Variants in TNFSF4 observed in about 807,000 individuals in gnomAD.
TNFSF4 encodes TNF superfamily member 4.
A neutral mutation model predicts 7.3 loss-of-function variants in TNFSF4; 4 were observed. That is an observed-to-expected ratio of 0.55 (90% CI 0.27 to 1.25). The LOEUF (loss-of-function observed/expected upper bound fraction) is 1.25, where lower values mean the gene tolerates loss of function less well. TNFSF4 is among the 50% of genes most tolerant of loss of function. TNFSF4 has a pLI of 0.12. For synonymous variants in TNFSF4, 76 were observed against 83.7 expected, an observed-to-expected ratio of 0.91 and a Z score of 0.50; for missense variants, 181 against 208.8, an observed-to-expected ratio of 0.87 and a Z score of 0.82.
the TNFSF4 span, among the ~76,000 whole-genome samples, chr1:173,324,460 A>T: frequency 3.9e-5 from 6 of 152,186 alleles, no homozygotes; most frequent in Non-Finnish European, 1.5e-5. Flanking sequence ...ATCAACTAAC[A>T]AGCAAAATAA....
At chr1:173,357,145 A>G in the TNFSF4 span, among the ~76,000 whole-genome samples, 1 of 152,226 alleles carries the variant, frequency 6.6e-6, no homozygotes, top group African/African-American at 2.4e-5. Context: ...GACTTTGGGC[A>G]TTCGATGATC....
At chr1:173,398,759 A>G in the TNFSF4 span, among the ~76,000 whole-genome samples, 9 of 152,146 alleles carry the variant, frequency 5.9e-5, no homozygotes, top group Non-Finnish European at 1.2e-4. Context: ...GTACAGTGGT[A>G]TGGGAAACAT....
At chr1:173,324,981 C>T in the TNFSF4 span, among the ~76,000 whole-genome samples, 2 of 152,152 alleles carry the variant, frequency 1.3e-5, no homozygotes, top group African/African-American at 4.8e-5. Flanking sequence ...CAAGGATATC[C>T]AGGAATTGAA....
At chr1:173,395,037 T>TAGATAGATAGATGATA in the TNFSF4 span, among the ~76,000 whole-genome samples, 18 of 94,126 alleles carry the variant, frequency 1.9e-4, no homozygotes, top group East Asian at 3.4e-4. Context: ...GATAGATAGA[T>TAGATAGATAGATGATA]GATAGATAGA....
At position 173,188,577 on chromosome 1, in the gene TNFSF4, A is replaced by G. The variant is rs932305725; in HGVS notation, c.154-8T>C. The stretch of plus-strand genomic sequence containing the variant: ...AGGATACCGATGTGATACCTGAGGG[A>G]GGAAGAAAGACATATTCTTAGGAAA... On this transcript the variant is annotated splice_region_variant and splice_polypyrimidine_tract_variant and intron_variant, in intron 1 of 2. Coordinates refer to ENST00000281834, the MANE Select transcript of TNFSF4 (RefSeq NM_003326.5). 5.0e-6 allele frequency: 8 copies of G among 1,609,106 alleles called. No homozygotes were observed. The African/African-American group carries it at 1.1e-4, about 21-fold the overall frequency.
chr1:173,309,414 G>A, the TNFSF4 span, among the ~76,000 whole-genome samples: 1 of 151,528 alleles, frequency 6.6e-6, no homozygotes, highest in Non-Finnish European at 1.5e-5. Context: ...TTTTTTTTAA[G>A]ATCATGGATA....
At chr1:173,289,016 C>A in the TNFSF4 span, among the ~76,000 whole-genome samples, 1 of 151,958 alleles carries the variant, frequency 6.6e-6, no homozygotes, top group African/African-American at 2.4e-5. Context: ...GACTACAGTG[C>A]AGAGAAAGAG....
the TNFSF4 span, among the ~76,000 whole-genome samples, chr1:173,388,654 A>G: frequency 2.4e-4 from 37 of 152,368 alleles, no homozygotes; most frequent in African/African-American, 6.7e-4. Flanking sequence ...GACATTAAAG[A>G]GATTTATAAA....
chr1:173,282,363 C>A, the TNFSF4 span, among the ~76,000 whole-genome samples: 1 of 151,628 alleles, frequency 6.6e-6, no homozygotes, highest in Non-Finnish European at 1.5e-5. Context: ...TCTGTGTTTT[C>A]TTGGTGGTTG....
the TNFSF4 span, among the ~76,000 whole-genome samples, chr1:173,293,269 C>T: frequency 1.3e-5 from 2 of 151,874 alleles, no homozygotes; most frequent in Admixed American, 1.3e-4. Context: ...AATACAAAAA[C>T]AGACCCCACA....
chr1:173,286,786 T>C, the TNFSF4 span, among the ~76,000 whole-genome samples: 1 of 152,044 alleles, frequency 6.6e-6, no homozygotes, highest in Non-Finnish European at 1.5e-5. Flanking sequence ...AAAGACACTA[T>C]TAAGATAATG....
At chr1:173,370,654 C>T in the TNFSF4 span, among the ~76,000 whole-genome samples, 2 of 152,156 alleles carry the variant, frequency 1.3e-5, no homozygotes, top group African/African-American at 2.4e-5. Context: ...CCACAGATAT[C>T]AGGAGAAAGC....
At chr1:173,357,538 CT>C in the TNFSF4 span, among the ~76,000 whole-genome samples, 23 of 149,338 alleles carry the variant, frequency 1.5e-4, no homozygotes, top group African/African-American at 4.7e-4. Flanking sequence ...CCATACCAGC[CT>C]TTTTTTTTTG....
chr1:173,422,859 G>A, the TNFSF4 span, among the ~76,000 whole-genome samples: 2 of 152,190 alleles, frequency 1.3e-5, no homozygotes, highest in Non-Finnish European at 2.9e-5. Context: ...ACCAACAGGA[G>A]TAAGACGGTG....
the TNFSF4 span, among the ~76,000 whole-genome samples, chr1:173,430,430 CAA>C: frequency 7.6e-4 from 116 of 152,252 alleles, no homozygotes; most frequent in African/African-American, 2.7e-3. Context: ...TTAGTTGAGA[CAA>C]TAAACATTTA....
the TNFSF4 span, among the ~76,000 whole-genome samples, chr1:173,279,386 C>G: frequency 6.6e-6 from 1 of 152,048 alleles, no homozygotes; most frequent in Non-Finnish European, 1.5e-5. Context: ...TTTACTCAAG[C>G]CTCTGTCCTC....
At chr1:173,331,747 C>T in the TNFSF4 span, among the ~76,000 whole-genome samples, 1 of 152,142 alleles carries the variant, frequency 6.6e-6, no homozygotes, top group Non-Finnish European at 1.5e-5. Context: ...TATTTCTTTT[C>T]CTGCAACTTG....
At chr1:173,218,776 C>T in the TNFSF4 span, among the ~76,000 whole-genome samples, 2 of 151,974 alleles carry the variant, frequency 1.3e-5, no homozygotes, top group African/African-American at 4.8e-5. Context: ...TATTCATTTT[C>T]TTTTATTACT....
chr1:173,393,030 A>G, the TNFSF4 span, among the ~76,000 whole-genome samples: 2 of 152,184 alleles, frequency 1.3e-5, no homozygotes, highest in South Asian at 2.1e-4. Flanking sequence ...ACAAAAGGAT[A>G]CAAGGGAGAC....
Sources: gnomAD v4.1 joint callset for allele counts (sites outside exome capture counted in the v4.1 genomes callset) on GRCh38, gnomAD v4.1.1 for gene constraint, MANE v1.5 for transcripts, NCBI Gene and HGNC (gene_info 2026-07-23, HGNC 2026-07-21) for gene names.